The following NRG2 variants were observed in gnomAD, a reference collection of about 807,000 sequenced individuals.
NRG2 encodes neuregulin 2.
NRG2 carries 27 observed loss-of-function variants against 73.9 expected under a neutral mutation model. The ratio of observed to expected loss-of-function variants is 0.37; its 90% CI spans 0.27 to 0.50. NRG2 has a LOEUF of 0.50. Ranked by LOEUF, NRG2 falls within the 20% of genes least tolerant of loss-of-function variation. NRG2 has a pLI of 0.96. For missense variants in NRG2, 1,126 were observed against 1,210.1 expected (o/e 0.93, Z 1.03); for synonymous variants, 532 against 541.0 (o/e 0.98, Z 0.23).
At chr5:139,939,235 CCTTCCTTCCTTT>C (rs1392987015) in intron 1 of NRG2, among the ~76,000 whole-genome samples, 1,821 of 144,532 alleles carry the variant, frequency 0.013, 45 homozygotes, top group African/African-American at 0.046. Context: ...TTCCTTCCTT[CCTTCCTTCCTTT>C]CTTTCTTTCT....
chr5:139,986,901 T>A (rs1757210663), intron 1 of NRG2, among the ~76,000 whole-genome samples: 2 of 152,172 alleles, frequency 1.3e-5, no homozygotes, highest in African/African-American at 4.8e-5. Flanking sequence ...TAATTAATTC[T>A]TTTATATGCT....
At chr5:139,948,984 C>T (rs114442714) in intron 1 of NRG2, among the ~76,000 whole-genome samples, 1,779 of 152,124 alleles carry the variant, frequency 0.012, 31 homozygotes, top group African/African-American at 0.04. Flanking sequence ...CTCTGAGTCT[C>T]GGTGACCCTG....
intron 3 of NRG2, among the ~76,000 whole-genome samples, chr5:139,872,155 G>C (rs1762894181): frequency 1.3e-5 from 2 of 152,160 alleles, no homozygotes; most frequent in Admixed American, 1.3e-4. Flanking sequence ...GCTGAATAAG[G>C]GCCCACCTCT....
At chr5:139,888,304 C>T (rs990860737) in intron 1 of NRG2, among the ~76,000 whole-genome samples, 1 of 152,180 alleles carries the variant, frequency 6.6e-6, no homozygotes, top group African/African-American at 2.4e-5. Flanking sequence ...CATACTGACA[C>T]TGATGGTGCA....
At chr5:139,849,737 C>A in intron 9 of NRG2, among the ~76,000 whole-genome samples, 1 of 152,252 alleles carries the variant, frequency 6.6e-6, no homozygotes, top group East Asian at 1.9e-4. Flanking sequence ...CCTTTCCCAC[C>A]GGCACATCTG....
intron 2 of NRG2, among the ~76,000 whole-genome samples, chr5:139,884,000 G>A (rs986617111): frequency 6.6e-6 from 1 of 152,178 alleles, no homozygotes; most frequent in East Asian, 1.9e-4. Context: ...GGTTCAGAAG[G>A]CTAGAACCAT....
Position 139,976,561 on chromosome 5 carries a change from T to G in NRG2, c.700+65809A>C, listed in dbSNP as rs142933705. 2.8e-4 allele frequency among the ~76,000 whole-genome samples: 42 copies of G among 152,246 alleles called. 1 individual carries two copies. The East Asian group carries it at 7.0e-3, about 25-fold the overall frequency. On this transcript the variant is annotated intron_variant, in intron 1 of 9. Transcript: ENST00000361474. ...CTTGGGGGAAGCAGAACCCACCTCC[T>G]CCCCAATTTTCCCACTGGTAGCCCC...
chr5:139,860,227 A>G (rs1443259552), intron 5 of NRG2, among the ~76,000 whole-genome samples: 3 of 152,104 alleles, frequency 2.0e-5, no homozygotes, highest in African/African-American at 7.2e-5. Context: ...GTCAGTTGGC[A>G]AATGTCCCTG....
At chr5:139,883,724 C>T (rs979323201) in intron 2 of NRG2, among the ~76,000 whole-genome samples, 3 of 152,174 alleles carry the variant, frequency 2.0e-5, no homozygotes, top group African/African-American at 7.2e-5. Context: ...CTCTAAGTCA[C>T]TCCGAGGGCG....
chr5:139,882,890 C>T (rs1243909867), intron 2 of NRG2, among the ~76,000 whole-genome samples: 1 of 152,108 alleles, frequency 6.6e-6, no homozygotes, highest in Non-Finnish European at 1.5e-5. Flanking sequence ...CTAGGAGTGC[C>T]CCTTCCTTCT....
At chr5:139,897,231 T>C (rs182259307) in intron 1 of NRG2, among the ~76,000 whole-genome samples, 1 of 152,224 alleles carries the variant, frequency 6.6e-6, no homozygotes, top group Non-Finnish European at 1.5e-5. Flanking sequence ...CTAGGCAAGT[T>C]ACTTAAACTC....
intron 1 of NRG2, among the ~76,000 whole-genome samples, chr5:139,938,847 G>T (rs1753050872): frequency 1.4e-5 from 1 of 73,278 alleles, no homozygotes; most frequent in African/African-American, 5.7e-5. Flanking sequence ...TATACAGAAA[G>T]GGAAGAGAGA....
At chr5:139,875,113 G>A (rs1055725986) in intron 3 of NRG2, among the ~76,000 whole-genome samples, 6 of 152,214 alleles carry the variant, frequency 3.9e-5, no homozygotes, top group Non-Finnish European at 8.8e-5. Flanking sequence ...CCGGGTTCAA[G>A]CAATTCTCCT....
intron 1 of NRG2, among the ~76,000 whole-genome samples, chr5:139,983,519 G>A (rs1196939879): frequency 2.0e-5 from 3 of 152,140 alleles, no homozygotes; most frequent in Non-Finnish European, 4.4e-5. Context: ...TCCCTCAGAC[G>A]CTTCCCTCCA....
At chr5:140,023,794 C>T (rs969527743) in intron 1 of NRG2, among the ~76,000 whole-genome samples, 2 of 152,132 alleles carry the variant, frequency 1.3e-5, no homozygotes, top group Admixed American at 6.5e-5. Context: ...GGGGGATTTG[C>T]TATAGCCAAA....
Position 139,847,762 on chromosome 5 carries a change from C to T in NRG2, c.*155G>A. 1 of 562,602 alleles carries T rather than the reference C, an allele frequency of 1.8e-6. No homozygotes were observed. The highest frequency in any genetic ancestry group is 2.7e-6 in the Non-Finnish European group (1 of 375,640). The allele number at this position is 562,602 out of a possible 1,614,324, so 34.9% of individuals were successfully genotyped here. On this transcript the variant is annotated 3_prime_UTR_variant, in exon 10 of 10. Transcript: ENST00000361474. Reference sequence around the variant, plus strand: ...AGCTAGTATTATAAGACAATTTTTGCTAAAATGAAAATAAAACATTTTGTT... The same window carrying T: ...AGCTAGTATTATAAGACAATTTTTGTTAAAATGAAAATAAAACATTTTGTT...
rs748441430 is a variant in NRG2 at position 139,871,715 on chromosome 5, A to T, written c.1112+6T>A. The T allele has an allele frequency of 1.2e-6, 2 of 1,613,736 alleles. No individual in the cohort carries two copies. The highest frequency in any genetic ancestry group is 4.5e-5 in the East Asian group (2 of 44,878). On this transcript the variant is annotated splice_donor_region_variant and intron_variant, in intron 4 of 9. Transcript: ENST00000361474. ...GCTCCCATGCCCACCCCTACTGGTC[A>T]CTTACTTGCAGGAGAGCTGGTTGAT...
rs1468484297 is a variant in NRG2, at chr5:140,042,952, TGCTGCTGCTGCTGCTGCTGCTCCTCTC to T, written c.91_117del (p.Glu31_Ser39del). 8 of 1,541,870 alleles carry T rather than the reference TGCTGCTGCTGCTGCTGCTGCTCCTCTC, an allele frequency of 5.2e-6. No homozygotes were observed. The Admixed American group carries it at 1.2e-4, about 23-fold the overall frequency. On this transcript the variant is annotated inframe_deletion, in exon 1 of 10. Transcript: ENST00000361474. Reference sequence around the variant, plus strand: ...CTGCTGCTGCTGCCGCTCTCGCTGCTGCTGCTGCTGCTGCTGCTGCTCCTCTCGCTGCTGCTGCTGCTGCTGTCGCTG... The same window carrying T: ...CTGCTGCTGCTGCCGCTCTCGCTGCTGCTGCTGCTGCTGCTGCTGTCGCTG...
chr5:139,873,410 C>G (rs922130510), intron 3 of NRG2, among the ~76,000 whole-genome samples: 3 of 152,234 alleles, frequency 2.0e-5, no homozygotes, highest in African/African-American at 7.2e-5. Flanking sequence ...ACCACGCCTG[C>G]CACTTGTAAA....
Sources: gnomAD v4.1 joint callset for allele counts (sites outside exome capture counted in the v4.1 genomes callset) on GRCh38, gnomAD v4.1.1 for gene constraint, MANE v1.5 for transcripts, NCBI Gene and HGNC (gene_info 2026-07-23, HGNC 2026-07-21) for gene names.